NPAS3: variants seen among roughly 807,000 people sequenced by gnomAD.
NPAS3 encodes the protein neuronal PAS domain protein 3.
NPAS3 carries 14 observed loss-of-function variants against 73.1 expected under a neutral mutation model. The ratio of observed to expected loss-of-function variants is 0.19; its 90% CI spans 0.13 to 0.30. The LOEUF is 0.30. NPAS3 is among the 10% of genes least tolerant of loss of function. The pLI is 1.00. For missense variants in NPAS3, 1,096 were observed against 1,250.0 expected, an observed-to-expected ratio of 0.88 and a Z score of 1.86; for synonymous variants, 620 against 541.5, an observed-to-expected ratio of 1.14 and a Z score of -2.01.
intron 1 of NPAS3, among the ~76,000 whole-genome samples, chr14:32,942,806 G>C (rs1324784362): frequency 1.3e-5 from 2 of 152,186 alleles, no homozygotes; most frequent in African/African-American, 2.4e-5. Flanking sequence ...AGCTCCACAA[G>C]ATTGCTTAAA....
At chr14:33,073,835 A>G (rs1466833271) in intron 2 of NPAS3, among the ~76,000 whole-genome samples, 3 of 152,198 alleles carry the variant, frequency 2.0e-5, no homozygotes, top group Non-Finnish European at 4.4e-5. Flanking sequence ...TGGATGAGAG[A>G]GAGAGGCCAG....
At chr14:33,633,977 CA>C (rs764782043) in intron 5 of NPAS3, among the ~76,000 whole-genome samples, 10 of 150,052 alleles carry the variant, frequency 6.7e-5, no homozygotes, top group South Asian at 2.1e-4. Context: ...GACCATGTCT[CA>C]AAAAAAAAGA....
intron 4 of NPAS3, among the ~76,000 whole-genome samples, chr14:33,473,752 G>A (rs2050894715): frequency 6.6e-6 from 1 of 152,126 alleles, no homozygotes; most frequent in South Asian, 2.1e-4. Context: ...TAGAAACAAA[G>A]TTGTCAAATT....
intron 4 of NPAS3, among the ~76,000 whole-genome samples, chr14:33,484,301 G>A (rs1222804128): frequency 6.6e-6 from 1 of 152,110 alleles, no homozygotes; most frequent in Admixed American, 6.5e-5. Context: ...GTGGGCCCTT[G>A]TCTTTCTAGC....
chr14:33,608,312 G>A (rs1260742677), intron 5 of NPAS3, among the ~76,000 whole-genome samples: 1 of 144,348 alleles, frequency 6.9e-6, no homozygotes, highest in African/African-American at 2.6e-5. Context: ...CAATATGTGT[G>A]TGCATACATT....
intron 5 of NPAS3, among the ~76,000 whole-genome samples, chr14:33,563,838 A>G (rs1334408215): frequency 6.6e-6 from 1 of 152,176 alleles, no homozygotes; most frequent in Non-Finnish European, 1.5e-5. Flanking sequence ...GAATTAAGAA[A>G]ACAGAATGGG....
chr14:32,938,420 T>G (rs1411192736), upstream of NPAS3, among the ~76,000 whole-genome samples: 1 of 142,662 alleles, frequency 7.0e-6, no homozygotes, highest in African/African-American at 2.7e-5. Context: ...GTGGCGTTGT[T>G]GCGCCGGCAG....
At chr14:33,155,457 C>G (rs1389580118) in intron 2 of NPAS3, among the ~76,000 whole-genome samples, 1 of 152,122 alleles carries the variant, frequency 6.6e-6, no homozygotes, top group Non-Finnish European at 1.5e-5. Flanking sequence ...ATGACACAAT[C>G]ATAGTTCACT....
intron 2 of NPAS3, among the ~76,000 whole-genome samples, chr14:33,072,504 T>C (rs1343248281): frequency 6.6e-6 from 1 of 152,164 alleles, no homozygotes; most frequent in African/African-American, 2.4e-5. Flanking sequence ...TGAAAGCTTT[T>C]GCCAGTTAAA....
At chr14:33,436,706 C>A (rs547168652) in intron 4 of NPAS3, among the ~76,000 whole-genome samples, 1 of 152,158 alleles carries the variant, frequency 6.6e-6, no homozygotes, top group African/African-American at 2.4e-5. Flanking sequence ...AATTTACAAC[C>A]TATTTCTTCA....
At chr14:33,319,116 A>G (rs895384798) in intron 3 of NPAS3, among the ~76,000 whole-genome samples, 21 of 125,894 alleles carry the variant, frequency 1.7e-4, no homozygotes, top group Admixed American at 6.2e-4. Flanking sequence ...CTTCCTGCAC[A>G]TGGCCTCTCT....
At chr14:33,435,085 C>T (rs1398110157) in intron 4 of NPAS3, among the ~76,000 whole-genome samples, 2 of 152,136 alleles carry the variant, frequency 1.3e-5, no homozygotes, top group African/African-American at 4.8e-5. Flanking sequence ...AAAAGTTATG[C>T]GTCCAATGTG....
intron 4 of NPAS3, among the ~76,000 whole-genome samples, chr14:33,498,416 A>G (rs2052322171): frequency 6.6e-6 from 1 of 152,190 alleles, no homozygotes; most frequent in African/African-American, 2.4e-5. Context: ...AGCACTATTC[A>G]CAATAGCAAA....
At chr14:32,953,716 G>A (rs1460305523) in intron 1 of NPAS3, among the ~76,000 whole-genome samples, 2 of 152,100 alleles carry the variant, frequency 1.3e-5, no homozygotes, top group African/African-American at 4.8e-5. Context: ...TAGTGTGTAA[G>A]GTAATTATCT....
At chr14:33,680,468 TGTATGTAG>T (rs1170138156) in intron 6 of NPAS3, 1 of 624,776 alleles carries the variant, frequency 1.6e-6, no homozygotes, top group Non-Finnish European at 2.8e-6. Flanking sequence ...CCTGTTCCTG[TGTATGTAG>T]GTATGTATGT....
intron 7 of NPAS3, among the ~76,000 whole-genome samples, chr14:33,770,924 A>G (rs1219018375): frequency 1.3e-5 from 2 of 152,200 alleles, no homozygotes; most frequent in Non-Finnish European, 2.9e-5. Flanking sequence ...AAAACAAAAA[A>G]TCTTTGCAAC....
At chr14:33,683,665 G>A (rs2140371565) in intron 6 of NPAS3, among the ~76,000 whole-genome samples, 1 of 152,278 alleles carries the variant, frequency 6.6e-6, no homozygotes, top group East Asian at 1.9e-4. Flanking sequence ...GAGCTTTGCA[G>A]GGTGCACAGA....
chr14:33,794,338 GAAT>G (rs1489853202), intron 10 of NPAS3, among the ~76,000 whole-genome samples: 5 of 152,166 alleles, frequency 3.3e-5, no homozygotes, highest in Non-Finnish European at 7.3e-5. Context: ...GCTTAGGCCA[GAAT>G]AATACAGACT....
intron 5 of NPAS3, among the ~76,000 whole-genome samples, chr14:33,564,647 G>A (rs774988472): frequency 1.4e-4 from 22 of 152,178 alleles, no homozygotes; most frequent in Non-Finnish European, 2.9e-4. Flanking sequence ...GCCCTCATGA[G>A]AAATTCACAT....
Sources: gnomAD v4.1 joint callset for allele counts (sites outside exome capture counted in the v4.1 genomes callset) on GRCh38, gnomAD v4.1.1 for gene constraint, MANE v1.5 for transcripts, NCBI Gene and HGNC (gene_info 2026-07-23, HGNC 2026-07-21) for gene names.